The following CDH13 variants were observed in gnomAD, a reference collection of about 807,000 sequenced individuals.
CDH13 encodes cadherin-13.
In CDH13, 24 loss-of-function variants were observed where a neutral mutation model predicts 63.8. The ratio of observed to expected loss-of-function variants is 0.38; its 90% CI spans 0.27 to 0.53. The LOEUF (loss-of-function observed/expected upper bound fraction) is 0.53, where lower values mean the gene tolerates loss of function less well. CDH13 is among the 20% of genes least tolerant of loss of function. The pLI is 0.85. For missense variants in CDH13, 1,049 were observed against 903.1 expected, an observed-to-expected ratio of 1.16 and a Z score of -2.07; for synonymous variants, 503 against 355.3, an observed-to-expected ratio of 1.42 and a Z score of -4.67.
chr16:83,002,728 G>T (rs1028222892), intron 2 of CDH13, among the ~76,000 whole-genome samples: 1 of 152,150 alleles, frequency 6.6e-6, no homozygotes, highest in Admixed American at 6.5e-5. Context: ...GAGAAGGGGC[G>T]TTCAGAGACT....
chr16:82,707,892 C>T (rs1567647642), intron 1 of CDH13, among the ~76,000 whole-genome samples: 1 of 151,200 alleles, frequency 6.6e-6, no homozygotes, highest in African/African-American at 2.4e-5. Context: ...TAGGGAAAGA[C>T]CAAGCTTCCA....
chr16:83,575,190 C>A (rs964649313), intron 7 of CDH13, among the ~76,000 whole-genome samples: 2 of 152,118 alleles, frequency 1.3e-5, no homozygotes, highest in Non-Finnish European at 2.9e-5. Flanking sequence ...TGGAATTTTT[C>A]TTTGGGGTGA....
intron 2 of CDH13, among the ~76,000 whole-genome samples, chr16:83,029,493 A>G (rs928240606): frequency 2.6e-5 from 4 of 152,238 alleles, no homozygotes; most frequent in East Asian, 1.9e-4. Flanking sequence ...AAAGATAAAT[A>G]TAGTAACCTG....
chr16:83,121,861 C>G (rs2035592697), intron 3 of CDH13, among the ~76,000 whole-genome samples: 1 of 152,002 alleles, frequency 6.6e-6, no homozygotes, highest in African/African-American at 2.4e-5. Context: ...ATTTATACTC[C>G]CACCCAAATC....
At chr16:82,811,379 G>A (rs779429247) in intron 1 of CDH13, among the ~76,000 whole-genome samples, 1 of 152,116 alleles carries the variant, frequency 6.6e-6, no homozygotes, top group Non-Finnish European at 1.5e-5. Context: ...TTGGTGGCAG[G>A]TTTAGTAACT....
At chr16:82,809,975 C>G (rs1365679663) in intron 1 of CDH13, among the ~76,000 whole-genome samples, 4 of 152,186 alleles carry the variant, frequency 2.6e-5, no homozygotes, top group African/African-American at 7.2e-5. Flanking sequence ...AGTTCATTCT[C>G]TGTATGCCCA....
intron 4 of CDH13, among the ~76,000 whole-genome samples, chr16:83,209,747 A>G (rs1333734909): frequency 6.6e-6 from 1 of 152,120 alleles, no homozygotes; most frequent in East Asian, 1.9e-4. Flanking sequence ...GTGCTCCCCT[A>G]GCTTTAACAG....
At chr16:83,588,038 C>T (rs149835300) in intron 7 of CDH13, among the ~76,000 whole-genome samples, 1,544 of 151,986 alleles carry the variant, frequency 0.01, 21 homozygotes, top group African/African-American at 0.036. Context: ...CCATCCCGTA[C>T]ACCTGGAGAT....
intron 5 of CDH13, among the ~76,000 whole-genome samples, chr16:83,235,774 C>T (rs1250240045): frequency 4.6e-5 from 7 of 151,996 alleles, no homozygotes; most frequent in African/African-American, 7.2e-5. Flanking sequence ...CACTTAAGCA[C>T]GTTATATTTT....
chr16:83,677,542 T>C (rs935706607), intron 9 of CDH13, among the ~76,000 whole-genome samples: 1 of 152,128 alleles, frequency 6.6e-6, no homozygotes, highest in African/African-American at 2.4e-5. Flanking sequence ...CTTAACTCCA[T>C]GTGGCTCAGA....
chr16:82,663,904 C>T (rs77809733), intron 1 of CDH13, among the ~76,000 whole-genome samples: 17 of 152,314 alleles, frequency 1.1e-4, no homozygotes, highest in African/African-American at 3.4e-4. Context: ...CTTCTCTACC[C>T]TCCCTCCTCC....
intron 3 of CDH13, among the ~76,000 whole-genome samples, chr16:83,078,304 C>G (rs900622573): frequency 2.6e-5 from 4 of 152,136 alleles, no homozygotes; most frequent in African/African-American, 9.7e-5. Flanking sequence ...GCACCAGGGA[C>G]TGGTTTCATG....
At chr16:82,692,739 A>T (rs757650666) in intron 1 of CDH13, among the ~76,000 whole-genome samples, 1 of 152,194 alleles carries the variant, frequency 6.6e-6, no homozygotes, top group African/African-American at 2.4e-5. Context: ...AATGAAATTT[A>T]TATTCCTAGT....
intron 6 of CDH13, among the ~76,000 whole-genome samples, chr16:83,413,316 A>T (rs866537730): frequency 2.0e-5 from 3 of 152,224 alleles, no homozygotes; most frequent in Admixed American, 1.3e-4. Flanking sequence ...AAAGCAGCAC[A>T]TAAGAGTATT....
chr16:83,563,862 A>C (rs2075748049), intron 7 of CDH13, among the ~76,000 whole-genome samples: 1 of 152,122 alleles, frequency 6.6e-6, no homozygotes, highest in Non-Finnish European at 1.5e-5. Flanking sequence ...CCAGAAACTG[A>C]AGTGGGATGG....
chr16:82,653,654 G>A (rs772103865), intron 1 of CDH13, among the ~76,000 whole-genome samples: 3 of 152,140 alleles, frequency 2.0e-5, no homozygotes, highest in East Asian at 3.9e-4. Context: ...AGCCAGGGAG[G>A]GGGTGGATTG....
intron 2 of CDH13, among the ~76,000 whole-genome samples, chr16:82,889,420 T>C (rs551276931): frequency 2.6e-5 from 4 of 152,254 alleles, no homozygotes; most frequent in Admixed American, 6.5e-5. Context: ...GCAACTCGCT[T>C]TCGGGTTGAT....
chr16:82,793,609 A>T (rs2036426505), intron 1 of CDH13, among the ~76,000 whole-genome samples: 5 of 151,950 alleles, frequency 3.3e-5, no homozygotes, highest in Admixed American at 3.3e-4. Flanking sequence ...AAAACTCAAA[A>T]CCCTGAAAGT....
rs1381793103 is a variant in CDH13, at chr16:83,135,058, C to T, written c.483+9557C>T. ...TTCAGCTTGAATTAGCATCCAGACT[C>T]AGGGTTGTTGAAGAATTTTCAAATT... is the stretch of plus-strand genomic sequence containing the variant. On this transcript the variant is annotated intron_variant, in intron 4 of 13. Transcript: ENST00000567109. Among the ~76,000 whole-genome samples, 3 of 152,318 alleles carry T rather than the reference C, an allele frequency of 2.0e-5. No homozygotes were observed. In the East Asian group the frequency reaches 5.8e-4, roughly 29 times the overall value.
Sources: gnomAD v4.1 joint callset for allele counts (sites outside exome capture counted in the v4.1 genomes callset) on GRCh38, gnomAD v4.1.1 for gene constraint, MANE v1.5 for transcripts, NCBI Gene and HGNC (gene_info 2026-07-23, HGNC 2026-07-21) for gene names.